The following CHD9 variants were observed in gnomAD, a reference collection of about 807,000 sequenced individuals.
The protein encoded by CHD9 is ATP-dependent chromatin remodeler CHD9.
CHD9 carries 77 observed loss-of-function variants against 316.1 expected under a neutral mutation model. The ratio of observed to expected loss-of-function variants is 0.24; its 90% CI spans 0.20 to 0.29. CHD9 has a LOEUF of 0.29. Among genes scored for constraint, CHD9 ranks in the 10% least tolerant of loss-of-function variants. CHD9 has a pLI of 1.00. For missense variants in CHD9, 2,763 were observed against 3,438.1 expected (o/e 0.80, Z 4.91); for synonymous variants, 1,129 against 1,158.3 (o/e 0.97, Z 0.51).
chr16:53,263,424 C>T (rs1439350430), intron 20 of CHD9, among the ~76,000 whole-genome samples: 1 of 151,738 alleles, frequency 6.6e-6, no homozygotes, highest in Non-Finnish European at 1.5e-5. Context: ...AGTGTCAGAA[C>T]CCATTAATGA....
intron 38 of CHD9, among the ~76,000 whole-genome samples, chr16:53,322,967 A>G (rs2057372905): frequency 6.6e-6 from 1 of 152,170 alleles, no homozygotes; most frequent in South Asian, 2.1e-4. Context: ...GCCTTTGTAA[A>G]GAGAAAAAAT....
chr16:53,061,165 G>A (rs558729734), intron 1 of CHD9, among the ~76,000 whole-genome samples: 1 of 152,176 alleles, frequency 6.6e-6, no homozygotes, highest in South Asian at 2.1e-4. Flanking sequence ...GACCTCAGGT[G>A]ATTCACCCGC....
intron 22 of CHD9, among the ~76,000 whole-genome samples, chr16:53,271,716 A>G (rs2052290174): frequency 6.6e-6 from 1 of 152,192 alleles, no homozygotes; most frequent in Non-Finnish European, 1.5e-5. Flanking sequence ...CTTCGAAAGA[A>G]TAAGGTGCTG....
intron 1 of CHD9, among the ~76,000 whole-genome samples, chr16:53,097,576 T>C (rs2036492056): frequency 6.6e-6 from 1 of 152,174 alleles, no homozygotes; most frequent in Non-Finnish European, 1.5e-5. Context: ...GTTGTGTCTA[T>C]TATTGACCCA....
At chr16:53,251,265 T>C (rs927654699) in intron 17 of CHD9, among the ~76,000 whole-genome samples, 3 of 152,210 alleles carry the variant, frequency 2.0e-5, no homozygotes, top group African/African-American at 7.2e-5. Context: ...TAAACCCAAA[T>C]CATAATTGTT....
chr16:53,184,089 C>T lies in CHD9; in HGVS notation c.1453-25393C>T, dbSNP rs146279659. Among the ~76,000 whole-genome samples the T allele has an allele frequency of 5.6e-3, 849 of 151,996 alleles. 8 individuals are homozygous for T. The highest frequency in any genetic ancestry group is 6.8e-3 in the Middle Eastern group (2 of 294). On this transcript the variant is annotated intron_variant, in intron 2 of 38. Transcript: ENST00000447540. ...CCTCCCAAGTAGCTGGGACTAAAGG[C>T]GCCCGGCACCACGCCCGGCTAATTT...
chr16:53,208,370 G>A (rs2046048587), intron 2 of CHD9: 1 of 1,278,246 alleles, frequency 7.8e-7, no homozygotes, highest in Non-Finnish European at 1.0e-6. Context: ...CTGAATGAGT[G>A]GGAGGAGGAG....
chr16:53,321,143 T>C lies in CHD9; in HGVS notation c.7714-383T>C, dbSNP rs767712393. 4.3e-6 allele frequency: 4 copies of C among 938,260 alleles called. No individual in the cohort carries two copies. In the African/African-American group the frequency reaches 6.8e-5, roughly 16 times the overall value. 58.1% of individuals were successfully genotyped at this position (938,260 alleles called of 1,614,324 possible). On this transcript the variant is annotated intron_variant, in intron 37 of 38. Transcript: ENST00000447540. ...ATAAAACCCTATGAGGGAAGTATTA[T>C]TGTTATCCCCATTTTACAGATCAGA...
At chr16:53,125,218 ATT>A (rs34096444) in intron 1 of CHD9, among the ~76,000 whole-genome samples, 370 of 95,752 alleles carry the variant, frequency 3.9e-3, no homozygotes, top group African/African-American at 0.014. Flanking sequence ...TCAAGTTAGG[ATT>A]TTTTTTTTTT....
At chr16:53,103,046 C>T (rs1279264303) in intron 1 of CHD9, among the ~76,000 whole-genome samples, 6 of 151,782 alleles carry the variant, frequency 4.0e-5, no homozygotes, top group African/African-American at 1.4e-4. Flanking sequence ...AGGGTTTCAC[C>T]ATGTTAGCCA....
intron 1 of CHD9, among the ~76,000 whole-genome samples, chr16:53,153,820 G>T (rs1190858662): frequency 1.3e-5 from 2 of 152,254 alleles, no homozygotes; most frequent in African/African-American, 4.8e-5. Context: ...GATTATAGGT[G>T]TGAGCCACTG....
intron 1 of CHD9, among the ~76,000 whole-genome samples, chr16:53,069,364 A>C (rs1174582649): frequency 6.6e-6 from 1 of 152,162 alleles, no homozygotes; most frequent in East Asian, 1.9e-4. Flanking sequence ...CATCACCACT[A>C]TCCATCTCCA....
intron 19 of CHD9, among the ~76,000 whole-genome samples, chr16:53,259,951 C>G (rs2050939901): frequency 6.6e-6 from 1 of 152,198 alleles, no homozygotes; most frequent in South Asian, 2.1e-4. Flanking sequence ...GTAAACTTCA[C>G]TATTCCTGAA....
chr16:53,056,934 G>A (rs2032202015), intron 1 of CHD9, among the ~76,000 whole-genome samples: 1 of 151,804 alleles, frequency 6.6e-6, no homozygotes, highest in Non-Finnish European at 1.5e-5. Context: ...GATCGCTTGA[G>A]GCTAGGAGTT....
At position 53,324,853 on chromosome 16, in the gene CHD9, A is replaced by G. The variant is rs765444999; in HGVS notation, c.8652A>G (p.Thr2884=). The G allele has an allele frequency of 1.9e-6, 3 of 1,607,204 alleles. No individual in the cohort carries two copies. Among genetic ancestry groups the G allele is most frequent in the African/African-American group, 1.3e-5 (1 of 74,674 alleles). Residue 2884 remains threonine, a synonymous_variant, in exon 39 of 39, where the codon ACA becomes ACG. Coordinates refer to ENST00000447540, the MANE Select transcript of CHD9 (RefSeq NM_001308319.2). ...KADASSGSDS[T]SSSSEDSDSS... ...ATGCTTCATCTGGATCTGATAGTAC[A>G]TCGTCGTCATCTGAGGATTCAGATT...
rs1567395416 is a variant in CHD9 at position 53,157,494 on chromosome 16, A to G, written c.1405A>G (p.Asn469Asp). 1.9e-6 allele frequency: 3 copies of G among 1,613,842 alleles called. No homozygotes were observed. Among genetic ancestry groups the G allele is most frequent in the South Asian group, 1.1e-5 (1 of 91,066 alleles). ...TCGGAGTTGGCATTCATCATTTTCT[A>G]ATCATCAGCATTTACATGACAGAAA... ...QARSWHSSFS[N>D]HQHLHDRNHL... The change falls in exon 2 of 39, where the codon AAT becomes GAT. Residue 469 changes from asparagine to aspartate, a missense_variant. By Grantham distance (23) the Asn-to-Asp change is conservative. Around this residue, in one of 15 missense-constraint regions of CHD9, gnomAD observed 859 missense variants for 890.4 expected, o/e 0.96. Coordinates refer to ENST00000447540, the MANE Select transcript of CHD9 (RefSeq NM_001308319.2).
intron 17 of CHD9, among the ~76,000 whole-genome samples, chr16:53,253,946 G>A (rs531578124): frequency 6.6e-6 from 1 of 152,314 alleles, no homozygotes; most frequent in African/African-American, 2.4e-5. Context: ...GGAGGTTGGG[G>A]CGGGTGGATC....
intron 1 of CHD9, among the ~76,000 whole-genome samples, chr16:53,115,854 G>C (rs138668140): frequency 6.6e-6 from 1 of 152,166 alleles, no homozygotes; most frequent in African/African-American, 2.4e-5. Context: ...GTCAAAGAAG[G>C]CCTCTAATAT....
At position 53,304,324 on chromosome 16, in the gene CHD9, A is replaced by G. The variant is rs773709057; in HGVS notation, c.6318A>G (p.Ala2106=). ...GTGAAACAGACAGACGCATGGTTGCAGCCAGAACAGAACCCCTAACTCCAA... is the reference window on the plus strand; with the variant it reads ...GTGAAACAGACAGACGCATGGTTGCGGCCAGAACAGAACCCCTAACTCCAA... The part of the protein sequence containing the change: ...GKCETDRRMV[A]ARTEPLTPNP... Residue 2106 remains alanine (A), a synonymous_variant, in exon 31 of 39, where the codon GCA becomes GCG. Transcript: ENST00000447540. 2 of 1,612,428 alleles carry G rather than the reference A, an allele frequency of 1.2e-6. No homozygotes were observed. The highest frequency in any genetic ancestry group is 2.7e-5 in the African/African-American group (2 of 74,910).
Sources: allele counts gnomAD v4.1 joint callset (sites outside exome capture counted in the v4.1 genomes callset), GRCh38; gene constraint gnomAD v4.1.1; regional missense constraint gnomAD v4.1.1; transcripts MANE v1.5; gene names NCBI Gene and HGNC (gene_info 2026-07-23, HGNC 2026-07-21).